Variants in NCOA7 observed in about 807,000 individuals in gnomAD.
The protein encoded by NCOA7 is nuclear receptor coactivator 7.
Under a neutral mutation model 104.3 loss-of-function variants are expected in NCOA7, and 45 were observed. That is an observed-to-expected ratio of 0.43 (90% CI 0.34 to 0.55). NCOA7 has a LOEUF of 0.55. NCOA7 is among the 20% of genes least tolerant of loss of function. NCOA7 has a pLI of 0.02. For missense variants in NCOA7, 1,041 were observed against 1,119.7 expected (o/e 0.93, Z 1.00); for synonymous variants, 398 against 402.3 (o/e 0.99, Z 0.13).
Position 125,798,592 on chromosome 6 carries a change from ATATT to A in NCOA7, c.-65+7528_-65+7531del, listed in dbSNP as rs546333301. ...GCCATTAAAATAATGATTTTGAACA[ATATT>A]TAATTATATGGGAGATGTTTATAAT... On this transcript the variant is annotated intron_variant, in intron 1 of 15. Transcript: ENST00000392477. Among the ~76,000 whole-genome samples the A allele has an allele frequency of 3.4e-4, 52 of 152,320 alleles. 1 individual carries two copies. The highest frequency in any genetic ancestry group is 6.8e-3 in the Middle Eastern group (2 of 294).
chr6:125,795,373 C>T (rs903320754), intron 1 of NCOA7, among the ~76,000 whole-genome samples: 1 of 152,052 alleles, frequency 6.6e-6, no homozygotes, highest in African/African-American at 2.4e-5. Context: ...CCTCATGGTT[C>T]AAAAGGTACG....
At chr6:125,883,338 A>C (rs554595469) in intron 7 of NCOA7, among the ~76,000 whole-genome samples, 1 of 152,320 alleles carries the variant, frequency 6.6e-6, no homozygotes, top group Admixed American at 6.5e-5. Context: ...GACATAAAGA[A>C]ATTTTTTAAA....
intron 7 of NCOA7, among the ~76,000 whole-genome samples, chr6:125,882,775 A>C (rs1044242030): frequency 6.6e-6 from 1 of 152,068 alleles, no homozygotes; most frequent in African/African-American, 2.4e-5. Flanking sequence ...TCTTGGATTT[A>C]TTGTTTTTTT....
rs1424803495 is a variant in NCOA7 at position 125,931,199 on chromosome 6, A to G, written c.*2428A>G. 1.3e-5 allele frequency: 2 copies of G among 152,346 alleles called. No homozygotes were observed. The highest frequency in any genetic ancestry group is 1.3e-4 in the Admixed American group (2 of 15,278). 9.4% of individuals were successfully genotyped at this position (152,346 alleles called of 1,614,324 possible). On this transcript the variant is annotated 3_prime_UTR_variant, in exon 16 of 16. Coordinates refer to ENST00000392477, the MANE Select transcript of NCOA7 (RefSeq NM_181782.5). ...AGAGGATGGTGAAATATCCAAGACT[A>G]AACAAGGTCCAGAGCTCATGTTTTC... is the stretch of plus-strand genomic sequence containing the variant.
intron 7 of NCOA7, among the ~76,000 whole-genome samples, chr6:125,884,369 A>G (rs1784091310): frequency 6.6e-6 from 1 of 152,210 alleles, no homozygotes; most frequent in Non-Finnish European, 1.5e-5. Flanking sequence ...ATACCCAGTA[A>G]TGAGATTGCT....
chr6:125,892,542 T>TGGGTGCCTGTAATCCTAGC (rs1189577890), intron 10 of NCOA7, among the ~76,000 whole-genome samples: 1 of 152,060 alleles, frequency 6.6e-6, no homozygotes, highest in African/African-American at 2.4e-5. Flanking sequence ...GGCGTGGTGG[T>TGGGTGCCTGTAATCCTAGC]GGGTGCCTGT....
At chr6:125,892,877 T>A (rs1426953981) in intron 10 of NCOA7, among the ~76,000 whole-genome samples, 1 of 152,230 alleles carries the variant, frequency 6.6e-6, no homozygotes, top group Non-Finnish European at 1.5e-5. Flanking sequence ...ATAGTTTTTT[T>A]GTGTAGATGT....
At chr6:125,887,509 T>G (rs1784348694) in intron 8 of NCOA7, among the ~76,000 whole-genome samples, 1 of 152,210 alleles carries the variant, frequency 6.6e-6, no homozygotes. Context: ...TAAATTGAAA[T>G]GAATTATAAA....
intron 4 of NCOA7, among the ~76,000 whole-genome samples, chr6:125,877,165 G>C (rs1217042122): frequency 6.6e-6 from 1 of 152,060 alleles, no homozygotes; most frequent in Non-Finnish European, 1.5e-5. Flanking sequence ...TGTTCCAGAA[G>C]GGCTTTGAGG....
chr6:125,870,052 C>T (rs1782764300), intron 3 of NCOA7, among the ~76,000 whole-genome samples: 1 of 152,218 alleles, frequency 6.6e-6, no homozygotes, highest in African/African-American at 2.4e-5. Context: ...GCTCCAGCTG[C>T]CTTGCTCTGT....
chr6:125,843,561 T>C (rs527526090), intron 2 of NCOA7, among the ~76,000 whole-genome samples: 6 of 152,240 alleles, frequency 3.9e-5, no homozygotes, highest in Non-Finnish European at 8.8e-5. Flanking sequence ...TTTAAATTTC[T>C]CTTTGCCAAA....
At chr6:125,852,113 T>C (rs1781180396) in intron 2 of NCOA7, among the ~76,000 whole-genome samples, 1 of 152,086 alleles carries the variant, frequency 6.6e-6, no homozygotes, top group South Asian at 2.1e-4. Context: ...TTAGGTCCCA[T>C]TTATTTTTGT....
chr6:125,840,868 G>GTTTTTTTTTTTTTTTTTT lies in NCOA7; in HGVS notation c.51-14127_51-14110dup, dbSNP rs57168444. Among the ~76,000 whole-genome samples the GTTTTTTTTTTTTTTTTTT allele has an allele frequency of 3.5e-4, 14 of 40,374 alleles. 3 individuals are homozygous for GTTTTTTTTTTTTTTTTTT. Among genetic ancestry groups the GTTTTTTTTTTTTTTTTTT allele is most frequent in the South Asian group, 1.3e-3 (1 of 800 alleles). 26.5% of individuals were successfully genotyped at this position (40,374 alleles called of 152,430 possible). A position where few individuals can be genotyped will look rare whatever the true frequency, so the allele number is the denominator to read the frequency against. On this transcript the variant is annotated intron_variant, in intron 2 of 15. Transcript: ENST00000392477. ...TTTTATGGTTTTTTTTGTTTGGTTG[G>GTTTTTTTTTTTTTTTTTT]TTTTTTTTTTTTTTTTTTTTTTTTT...
chr6:125,928,485 A>G (rs758960494), intron 15 of NCOA7, 151 bp from the exon 16 acceptor site: 4 of 912,008 alleles, frequency 4.4e-6, no homozygotes, highest in African/African-American at 1.7e-5. Flanking sequence ...GGTCATTTAA[A>G]TGAAATAAAG....
At chr6:125,920,293 A>G (rs1211395684) in intron 11 of NCOA7, among the ~76,000 whole-genome samples, 2 of 152,160 alleles carry the variant, frequency 1.3e-5, no homozygotes, top group African/African-American at 4.8e-5. Context: ...GTTATTTCTA[A>G]CAGAAGTGGT....
intron 2 of NCOA7, among the ~76,000 whole-genome samples, chr6:125,836,763 G>A (rs1432388234): frequency 6.6e-6 from 1 of 152,158 alleles, no homozygotes; most frequent in Non-Finnish European, 1.5e-5. Context: ...ACATCTATGA[G>A]AAATTACCTT....
At chr6:125,804,677 A>G (rs570221660) in intron 1 of NCOA7, among the ~76,000 whole-genome samples, 10 of 152,380 alleles carry the variant, frequency 6.6e-5, no homozygotes, top group African/African-American at 2.2e-4. Flanking sequence ...AATATTTGGT[A>G]GAAATGTTAT....
chr6:125,822,887 A>G (rs537967043), intron 2 of NCOA7, among the ~76,000 whole-genome samples: 8 of 149,506 alleles, frequency 5.4e-5, no homozygotes, highest in South Asian at 2.1e-4. Context: ...GTGACCCGAG[A>G]TTGCTCTACT....
chr6:125,872,580 A>G (rs573349552), intron 3 of NCOA7, among the ~76,000 whole-genome samples: 1 of 152,356 alleles, frequency 6.6e-6, no homozygotes, highest in Admixed American at 6.5e-5. Flanking sequence ...CTAATCCCAA[A>G]AGGAACTATG....
Sources: gnomAD v4.1 joint callset for allele counts (sites outside exome capture counted in the v4.1 genomes callset) on GRCh38, gnomAD v4.1.1 for gene constraint, MANE v1.5 for transcripts, NCBI Gene and HGNC (gene_info 2026-07-23, HGNC 2026-07-21) for gene names.